The following CMSS1 variants were observed in gnomAD, a reference collection of about 807,000 sequenced individuals.
The protein encoded by CMSS1 is protein CMSS1.
Under a neutral mutation model 43.5 loss-of-function variants are expected in CMSS1, and 33 were observed. The observed-to-expected ratio is 0.76, with a 90% confidence interval of 0.57 to 1.01. The LOEUF is 1.01. CMSS1 is among the 50% of genes least tolerant of loss of function. The pLI is 0.00. For synonymous variants in CMSS1, 115 were observed against 117.2 expected (o/e 0.98, Z 0.12); for missense variants, 313 against 326.4 (o/e 0.96, Z 0.32).
intron 1 of CMSS1, among the ~76,000 whole-genome samples, chr3:100,054,652 C>T (rs1472627645): frequency 6.6e-6 from 1 of 152,092 alleles, no homozygotes; most frequent in African/African-American, 2.4e-5. Flanking sequence ...CTCAAAGAAA[C>T]CATGCTGGAC....
Position 100,151,693 on chromosome 3 carries a change from C to T in CMSS1, c.153+4632C>T, listed in dbSNP as rs9829554. 3.3e-3 allele frequency among the ~76,000 whole-genome samples: 498 copies of T among 152,232 alleles called. 3 individuals are homozygous for T. Among genetic ancestry groups the T allele is most frequent in the African/African-American group, 0.011 (465 of 41,522 alleles). Reference sequence around the variant, plus strand: ...AGAGATTACAAAGGAATATGAGTACCGGGAGATCGAGATCATGAGGAGCTA... The same window carrying T: ...AGAGATTACAAAGGAATATGAGTACTGGGAGATCGAGATCATGAGGAGCTA... On this transcript the variant is annotated intron_variant, in intron 2 of 9. Transcript: ENST00000421999.
chr3:100,050,431 T>G (rs573271682), intron 1 of CMSS1, among the ~76,000 whole-genome samples: 17 of 152,222 alleles, frequency 1.1e-4, no homozygotes, highest in Admixed American at 2.0e-4. Flanking sequence ...AATGCTAAAA[T>G]AGAATGCTTA....
At chr3:99,855,574 C>A (rs922645721) in intron 1 of CMSS1, among the ~76,000 whole-genome samples, 5 of 152,162 alleles carry the variant, frequency 3.3e-5, no homozygotes, top group African/African-American at 1.2e-4. Context: ...GATTTCCCCA[C>A]ATTATATTGC....
intron 1 of CMSS1, among the ~76,000 whole-genome samples, chr3:100,055,746 T>G (rs2065453632): frequency 6.6e-6 from 1 of 152,202 alleles, no homozygotes; most frequent in South Asian, 2.1e-4. Context: ...CCCAGTAATT[T>G]AGAAAAGAGA....
At chr3:100,134,069 C>T (rs2066731276) in intron 1 of CMSS1, among the ~76,000 whole-genome samples, 1 of 152,154 alleles carries the variant, frequency 6.6e-6, no homozygotes, top group South Asian at 2.1e-4. Flanking sequence ...GGGTTACACT[C>T]TATAACAAGG....
rs866710190 is a variant in CMSS1 at position 99,842,520 on chromosome 3, A to G, written c.64+24477A>G. On this transcript the variant is annotated intron_variant, in intron 1 of 9. Coordinates refer to ENST00000421999, the MANE Select transcript of CMSS1 (RefSeq NM_032359.4). The stretch of plus-strand genomic sequence containing the variant: ...AAAACAGGCCAAAAAAAAAAAAAAA[A>G]GATGGTCTCAGGTAACCCCTCAAAT... Among the ~76,000 whole-genome samples, 85 of 143,192 alleles carry G rather than the reference A, an allele frequency of 5.9e-4. 1 individual carries two copies. Among genetic ancestry groups the G allele is most frequent in the Middle Eastern group, 7.2e-3 (2 of 278 alleles). 93.9% of individuals were successfully genotyped at this position (143,192 alleles called of 152,430 possible). A position where few individuals can be genotyped will look rare whatever the true frequency, so the allele number is the denominator to read the frequency against.
At chr3:99,887,282 T>G (rs1576548845) in intron 1 of CMSS1, among the ~76,000 whole-genome samples, 2 of 151,250 alleles carry the variant, frequency 1.3e-5, no homozygotes, top group South Asian at 4.2e-4. Context: ...AAAAAAAAAG[T>G]ATCAGGCTTA....
intron 6 of CMSS1, among the ~76,000 whole-genome samples, chr3:100,171,246 T>C (rs1039364849): frequency 6.6e-6 from 1 of 152,182 alleles, no homozygotes; most frequent in Admixed American, 6.5e-5. Context: ...TTTCCTGCTT[T>C]TTGGCTGAAG....
Position 100,030,197 on chromosome 3 carries a change from T to C in CMSS1, c.65-116776T>C, listed in dbSNP as rs956002562. On this transcript the variant is annotated intron_variant, in intron 1 of 9. Transcript: ENST00000421999. ...AATTTGGAACTCCTATTTTCTAGTT[T>C]AATATTATTTTCTCTACTCTTTTTG... 1.3e-5 allele frequency among the ~76,000 whole-genome samples: 2 copies of C among 152,184 alleles called. 1 individual carries two copies. The highest frequency in any genetic ancestry group is 4.1e-4 in the South Asian group (2 of 4,826).
chr3:100,148,823 T>C (rs961961273), intron 2 of CMSS1, among the ~76,000 whole-genome samples: 4 of 152,224 alleles, frequency 2.6e-5, no homozygotes, highest in African/African-American at 9.6e-5. Flanking sequence ...AAGGTATACA[T>C]GTTTAATATA....
At chr3:100,101,366 T>C (rs2066302084) in intron 1 of CMSS1, among the ~76,000 whole-genome samples, 1 of 152,118 alleles carries the variant, frequency 6.6e-6, no homozygotes, top group East Asian at 1.9e-4. Context: ...GGGAAGAAGC[T>C]TTGATATTTG....
chr3:100,034,514 C>G (rs1229299697), intron 1 of CMSS1, among the ~76,000 whole-genome samples: 1 of 152,196 alleles, frequency 6.6e-6, no homozygotes. Context: ...CCAAAAGGTT[C>G]TTTGTGTTGC....
chr3:100,084,455 TAGAAAAACTCAA>T (rs1247394756), intron 1 of CMSS1, among the ~76,000 whole-genome samples: 1 of 152,100 alleles, frequency 6.6e-6, no homozygotes, highest in Non-Finnish European at 1.5e-5. Flanking sequence ...TTCAGATATA[TAGAAAAACTCAA>T]AGAAAATGAA....
At chr3:100,032,088 A>G (rs1465390474) in intron 1 of CMSS1, among the ~76,000 whole-genome samples, 4 of 152,218 alleles carry the variant, frequency 2.6e-5, no homozygotes, top group Admixed American at 6.5e-5. Flanking sequence ...CCCATTAGCC[A>G]TAGTTTGCTA....
chr3:99,927,362 TTTTC>T (rs1007160809), intron 1 of CMSS1, among the ~76,000 whole-genome samples: 5 of 151,910 alleles, frequency 3.3e-5, no homozygotes, highest in Middle Eastern at 3.2e-3. Context: ...TGTTGTTATA[TTTTC>T]TTTCTGTTTT....
At chr3:100,134,566 A>G (rs1166016337) in intron 1 of CMSS1, among the ~76,000 whole-genome samples, 1 of 152,138 alleles carries the variant, frequency 6.6e-6, no homozygotes, top group Non-Finnish European at 1.5e-5. Context: ...GACAGATAAT[A>G]TTAATAAACC....
intron 1 of CMSS1, among the ~76,000 whole-genome samples, chr3:100,024,676 G>A (rs1002052555): frequency 6.6e-6 from 1 of 152,194 alleles, no homozygotes; most frequent in Non-Finnish European, 1.5e-5. Context: ...ATATACTAGT[G>A]AGTGACCTTC....
intron 1 of CMSS1, among the ~76,000 whole-genome samples, chr3:99,842,527 C>T (rs1378235066): frequency 1.3e-5 from 2 of 149,338 alleles, no homozygotes; most frequent in Non-Finnish European, 3.0e-5. Flanking sequence ...AAAAGATGGT[C>T]TCAGGTAACC....
intron 1 of CMSS1, chr3:99,850,192 G>C: frequency 6.2e-7 from 1 of 1,612,234 alleles, no homozygotes; most frequent in Non-Finnish European, 8.5e-7. Flanking sequence ...CACAGTTAAT[G>C]TTTTCAGTTT....
Sources: allele counts gnomAD v4.1 joint callset (sites outside exome capture counted in the v4.1 genomes callset), GRCh38; gene constraint gnomAD v4.1.1; transcripts MANE v1.5; gene names NCBI Gene and HGNC (gene_info 2026-07-23, HGNC 2026-07-21).